Variants in IKZF2 observed in about 807,000 individuals in gnomAD.
IKZF2 encodes IKAROS family zinc finger 2.
A neutral mutation model predicts 49.2 loss-of-function variants in IKZF2; 15 were observed. The ratio of observed to expected loss-of-function variants is 0.30; its 90% confidence interval spans 0.20 to 0.47. IKZF2 has a LOEUF of 0.47. IKZF2 is among the 20% of genes least tolerant of loss of function. The pLI is 1.00. For synonymous variants in IKZF2, 227 were observed against 221.4 expected (o/e 1.03, Z -0.23); for missense variants, 567 against 664.6 (o/e 0.85, Z 1.61).
At chr2:213,087,345 C>T (rs150317004) in intron 4 of IKZF2, among the ~76,000 whole-genome samples, 239 of 152,240 alleles carry the variant, frequency 1.6e-3, no homozygotes, top group Middle Eastern at 6.8e-3. Context: ...AAGTTCCTCA[C>T]ACGTACGCAT....
chr2:213,115,914 G>GA (rs796848683), intron 4 of IKZF2, among the ~76,000 whole-genome samples: 5,233 of 144,094 alleles, frequency 0.036, 284 homozygotes, highest in African/African-American at 0.12. Context: ...GTGTATGACA[G>GA]AAAAAAAAAA....
In IKZF2 at chr2:213,151,482, T is replaced by A. The variant is rs2061279157; in HGVS notation, c.-189A>T. On this transcript the variant is annotated 5_prime_UTR_variant, in exon 1 of 9. Coordinates refer to ENST00000434687, the MANE Select transcript of IKZF2 (RefSeq NM_001387220.1). The stretch of plus-strand genomic sequence containing the variant: ...GTGTTTACTGTTAATGTGTCCTCTG[T>A]CTTTCTTTCTTTCCTGTGCCTAACG... The A allele has an allele frequency of 6.6e-6, 1 of 152,580 alleles. No homozygotes were observed. The allele number at this position is 152,580 out of a possible 1,614,324, so 9.5% of individuals were successfully genotyped here.
chr2:213,048,078 T>C (rs560007148), intron 6 of IKZF2, among the ~76,000 whole-genome samples: 29 of 152,236 alleles, frequency 1.9e-4, no homozygotes, highest in African/African-American at 5.8e-4. Context: ...TAGATTCCAA[T>C]TGGAAGCATG....
chr2:213,039,349 G>T (rs1699384142), intron 6 of IKZF2, among the ~76,000 whole-genome samples: 1 of 151,868 alleles, frequency 6.6e-6, no homozygotes, highest in African/African-American at 2.4e-5. Flanking sequence ...AATAAAGATA[G>T]TCCATATATA....
In IKZF2 at chr2:213,058,471, TC is replaced by T. The variant is rs1025377506; in HGVS notation, c.140-1373del. On this transcript the variant is annotated intron_variant, in intron 4 of 8. Transcript: ENST00000434687. The stretch of plus-strand genomic sequence containing the variant: ...ACAGGAAATGTGCTTATCTTTTTTT[TC>T]CTGGATATATAGTGCTCTATTTCAT... 6.6e-4 allele frequency among the ~76,000 whole-genome samples: 101 copies of T among 152,092 alleles called. 1 individual carries two copies. Among genetic ancestry groups the T allele is most frequent in the African/African-American group, 2.3e-3 (96 of 41,554 alleles).
intron 4 of IKZF2, among the ~76,000 whole-genome samples, chr2:213,081,743 A>G (rs1226415242): frequency 1.3e-5 from 2 of 152,204 alleles, no homozygotes; most frequent in African/African-American, 4.8e-5. Flanking sequence ...TCAGGGCAAG[A>G]AACTCAAGAC....
intron 4 of IKZF2, among the ~76,000 whole-genome samples, chr2:213,108,011 A>C (rs12694294): frequency 0.88 from 133,995 of 152,118 alleles, 59,221 homozygotes; most frequent in African/African-American, 0.91. Flanking sequence ...ACGGCCGTGA[A>C]ACCCTACTGA....
chr2:213,008,127 A>T (rs1282249568), intron 8 of IKZF2, 43 bp from the exon 9 acceptor site: 2 of 1,489,186 alleles, frequency 1.3e-6, no homozygotes, highest in Admixed American at 4.8e-5. Flanking sequence ...AAAAAAAAAA[A>T]ATACAACAAC....
chr2:213,148,127 C>T (rs994229219), intron 3 of IKZF2, among the ~76,000 whole-genome samples: 1 of 152,080 alleles, frequency 6.6e-6, no homozygotes, highest in African/African-American at 2.4e-5. Flanking sequence ...GTTAAGCACA[C>T]AGAATTTATA....
At chr2:213,149,713 C>G (rs1052352980) in intron 2 of IKZF2, among the ~76,000 whole-genome samples, 3 of 151,790 alleles carry the variant, frequency 2.0e-5, no homozygotes, top group African/African-American at 7.3e-5. Context: ...GGCAGCTTCA[C>G]TTCTTGTCTC....
At chr2:213,036,833 T>C (rs908174289) in intron 6 of IKZF2, among the ~76,000 whole-genome samples, 3 of 152,318 alleles carry the variant, frequency 2.0e-5, no homozygotes, top group Middle Eastern at 6.8e-3. Flanking sequence ...GGCAAGATAG[T>C]ATAGGCTGTG....
chr2:213,001,970 T>A lies in IKZF2; in HGVS notation c.*5390A>T, dbSNP rs1020552299. 6.6e-6 allele frequency: 1 copy of A among 151,538 alleles called. No individual in the cohort carries two copies. The highest frequency in any genetic ancestry group is 1.5e-5 in the Non-Finnish European group (1 of 67,568). 9.4% of individuals were successfully genotyped at this position (151,538 alleles called of 1,614,324 possible). A position where few individuals can be genotyped will look rare whatever the true frequency, so the allele number is the denominator to read the frequency against. On this transcript the variant is annotated 3_prime_UTR_variant, in exon 9 of 9. Coordinates refer to ENST00000434687, the MANE Select transcript of IKZF2 (RefSeq NM_001387220.1). ...TTTTAAAAAATCAATTTCCAGTAAA[T>A]TAAAGTAAGTAAAATCTTGGTAAGT...
chr2:213,071,604 A>T lies in IKZF2; in HGVS notation c.140-14505T>A, dbSNP rs1574721032. Reference sequence around the variant, plus strand: ...TTATATTAGGTGGAGACAAGAAGAGATCACAATCCCACTACAAGTGTCTGT... The same window carrying T: ...TTATATTAGGTGGAGACAAGAAGAGTTCACAATCCCACTACAAGTGTCTGT... On this transcript the variant is annotated intron_variant, in intron 4 of 8. Coordinates refer to ENST00000434687, the MANE Select transcript of IKZF2 (RefSeq NM_001387220.1). Among the ~76,000 whole-genome samples, 4 of 152,194 alleles carry T rather than the reference A, an allele frequency of 2.6e-5. No individual in the cohort carries two copies. In the South Asian group the frequency reaches 8.3e-4, roughly 32 times the overall value.
At chr2:213,037,839 G>A (rs1440784463) in intron 6 of IKZF2, among the ~76,000 whole-genome samples, 2 of 152,134 alleles carry the variant, frequency 1.3e-5, no homozygotes, top group African/African-American at 2.4e-5. Flanking sequence ...ACACTTGGGA[G>A]ATCACCCAGA....
In IKZF2 at chr2:213,006,335, C is replaced by G. The variant is rs549868106; in HGVS notation, c.*1025G>C. ...AAGAGAAATACCAGAAAAGGGATTT[C>G]TAAGTGGGTTTTCTCCCCCTACTGT... On this transcript the variant is annotated 3_prime_UTR_variant, in exon 9 of 9. Transcript: ENST00000434687. 1 of 152,534 alleles carries G rather than the reference C, an allele frequency of 6.6e-6. No individual in the cohort carries two copies. Among genetic ancestry groups the G allele is most frequent in the South Asian group, 2.1e-4 (1 of 4,812 alleles). The allele number at this position is 152,534 out of a possible 1,614,324, so 9.4% of individuals were successfully genotyped here. A position where few individuals can be genotyped will look rare whatever the true frequency, so the allele number is the denominator to read the frequency against.
intron 4 of IKZF2, among the ~76,000 whole-genome samples, chr2:213,118,255 T>C (rs1417997499): frequency 6.6e-6 from 1 of 152,176 alleles, no homozygotes; most frequent in African/African-American, 2.4e-5. Flanking sequence ...GAAGCTGTGG[T>C]TTTATAGGGG....
intron 4 of IKZF2, among the ~76,000 whole-genome samples, chr2:213,129,768 G>A (rs1163872260): frequency 6.6e-6 from 1 of 152,152 alleles, no homozygotes; most frequent in Non-Finnish European, 1.5e-5. Flanking sequence ...AATATTTTAG[G>A]CTTAAGGTAC....
intron 6 of IKZF2, among the ~76,000 whole-genome samples, chr2:213,040,498 T>C (rs1434181722): frequency 3.3e-5 from 5 of 152,142 alleles, no homozygotes; most frequent in Non-Finnish European, 7.4e-5. Context: ...AACCTTTAAT[T>C]TGGGTACAGC....
chr2:213,069,127 C>T (rs575373963), intron 4 of IKZF2, among the ~76,000 whole-genome samples: 1 of 152,012 alleles, frequency 6.6e-6, no homozygotes, highest in African/African-American at 2.4e-5. Flanking sequence ...GAGTTTCCTC[C>T]CCATCTGGGA....
Sources: allele counts gnomAD v4.1 joint callset (sites outside exome capture counted in the v4.1 genomes callset), GRCh38; gene constraint gnomAD v4.1.1; transcripts MANE v1.5; gene names NCBI Gene and HGNC (gene_info 2026-07-23, HGNC 2026-07-21).